The following ATP8B4 variants were observed in gnomAD, a reference collection of about 807,000 sequenced individuals.
ATP8B4 encodes ATPase phospholipid transporting 8B4 (putative).
Under a neutral mutation model 145.6 loss-of-function variants are expected in ATP8B4, and 133 were observed. The ratio of observed to expected loss-of-function variants is 0.91; its 90% CI spans 0.79 to 1.05. The LOEUF (loss-of-function observed/expected upper bound fraction) is 1.05. Among genes scored for constraint, ATP8B4 ranks in the 50% least tolerant of loss-of-function variants. The pLI is 0.00. For synonymous variants in ATP8B4, 507 were observed against 492.9 expected, an observed-to-expected ratio of 1.03 and a Z score of -0.38; for missense variants, 1,458 against 1,425.2, an observed-to-expected ratio of 1.02 and a Z score of -0.37.
chr15:49,975,797 C>A (rs1212807819), intron 12 of ATP8B4, among the ~76,000 whole-genome samples: 1 of 152,088 alleles, frequency 6.6e-6, no homozygotes, highest in South Asian at 2.1e-4. Context: ...TGTCTGTGTT[C>A]TTCCTTTCTA....
intron 9 of ATP8B4, among the ~76,000 whole-genome samples, chr15:49,990,209 A>G (rs780996664): frequency 2.6e-5 from 4 of 152,164 alleles, no homozygotes; most frequent in South Asian, 2.1e-4. Context: ...CTAGCCATGA[A>G]GCATAACAAG....
chr15:50,104,842 C>T (rs560343801), intron 2 of ATP8B4, among the ~76,000 whole-genome samples: 20 of 116,654 alleles, frequency 1.7e-4, no homozygotes, highest in Admixed American at 9.9e-4. Flanking sequence ...CATCAATCAA[C>T]GAGCAAATAA....
chr15:50,111,507 G>A (rs553534743), intron 1 of ATP8B4, among the ~76,000 whole-genome samples: 1 of 152,204 alleles, frequency 6.6e-6, no homozygotes, highest in Non-Finnish European at 1.5e-5. Context: ...AAAGTCTACA[G>A]GACAAATGGC....
intron 2 of ATP8B4, 48 bp downstream of exon 2, chr15:50,106,891 A>G (rs756642090): frequency 1.3e-6 from 2 of 1,545,548 alleles, no homozygotes; most frequent in Non-Finnish European, 1.7e-6. Flanking sequence ...AATTAAAATT[A>G]TATTTTTAAA....
At chr15:50,148,782 T>C (rs1447768202) in intron 1 of ATP8B4, among the ~76,000 whole-genome samples, 1 of 152,196 alleles carries the variant, frequency 6.6e-6, no homozygotes, top group Non-Finnish European at 1.5e-5. Context: ...TATTAGATAA[T>C]AATATTAAAT....
chr15:49,865,433 C>A (rs1018172074), intron 26 of ATP8B4, among the ~76,000 whole-genome samples: 1 of 152,164 alleles, frequency 6.6e-6, no homozygotes, highest in South Asian at 2.1e-4. Flanking sequence ...TAATCAAACC[C>A]AGGGAGGGGG....
intron 10 of ATP8B4, among the ~76,000 whole-genome samples, chr15:49,987,071 C>T (rs28694493): frequency 0.017 from 2,550 of 152,250 alleles, 66 homozygotes; most frequent in African/African-American, 0.059. Flanking sequence ...CAGATTCATA[C>T]ATAAAATGAC....
chr15:50,024,354 T>G (rs1400923296), intron 6 of ATP8B4, among the ~76,000 whole-genome samples: 2 of 152,176 alleles, frequency 1.3e-5, no homozygotes, highest in African/African-American at 4.8e-5. Flanking sequence ...TGAAACTATT[T>G]ACAGTTCATA....
At chr15:49,922,433 C>A in intron 17 of ATP8B4, 1 of 438,766 alleles carries the variant, frequency 2.3e-6, no homozygotes, top group Non-Finnish European at 4.5e-6. Context: ...AAAATCAATT[C>A]TCTATTGGAA....
rs56814126 is a variant in ATP8B4 at position 50,027,379 on chromosome 15, G to GTGGATGGA, written c.362+11381_362+11388dup. Among the ~76,000 whole-genome samples the GTGGATGGA allele has an allele frequency of 1.6e-3, 232 of 149,010 alleles. 1 individual carries two copies. The highest frequency in any genetic ancestry group is 3.8e-3 in the African/African-American group (151 of 39,926). ...TGTTATTTAAATATGGGATGGATGGGTGGATGGATGGATGGATGGATGGAT... is the reference window on the plus strand; with the variant it reads ...TGTTATTTAAATATGGGATGGATGGGTGGATGGATGGATGGATGGATGGATGGATGGAT... On this transcript the variant is annotated intron_variant, in intron 6 of 27. Coordinates refer to ENST00000284509, the MANE Select transcript of ATP8B4 (RefSeq NM_024837.4).
At chr15:49,969,430 T>C (rs1401554968) in intron 13 of ATP8B4, among the ~76,000 whole-genome samples, 1 of 151,980 alleles carries the variant, frequency 6.6e-6, no homozygotes, top group Non-Finnish European at 1.5e-5. Flanking sequence ...CAATAAAAAA[T>C]TATGAAGGGG....
intron 17 of ATP8B4, chr15:49,922,247 G>T (rs1334600463): frequency 5.5e-6 from 1 of 183,288 alleles, no homozygotes. Flanking sequence ...ATTTTGCAGA[G>T]AAATGTAAAA....
intron 2 of ATP8B4, among the ~76,000 whole-genome samples, chr15:50,086,287 C>A: frequency 5.2e-5 from 4 of 77,010 alleles, no homozygotes; most frequent in South Asian, 4.2e-4. Context: ...ATATAGAGAT[C>A]TATATTTATT....
chr15:49,917,247 C>A, intron 19 of ATP8B4: 1 of 510,002 alleles, frequency 2.0e-6, no homozygotes, highest in Non-Finnish European at 3.5e-6. Context: ...CTTGCTAAAC[C>A]CATGCACAAG....
At chr15:49,984,601 G>A (rs1352485085) in intron 10 of ATP8B4, among the ~76,000 whole-genome samples, 1 of 152,136 alleles carries the variant, frequency 6.6e-6, no homozygotes, top group African/African-American at 2.4e-5. Flanking sequence ...TGGCCAGCCT[G>A]AAGTTAGCAC....
chr15:50,076,483 T>G (rs1265483781), intron 2 of ATP8B4, among the ~76,000 whole-genome samples: 3 of 149,014 alleles, frequency 2.0e-5, no homozygotes, highest in African/African-American at 7.6e-5. Flanking sequence ...AGAGCAAGAC[T>G]CCATCTCAAA....
chr15:50,004,542 G>T lies in ATP8B4; in HGVS notation c.436-2319C>A, dbSNP rs143664499. Among the ~76,000 whole-genome samples, 134 of 152,296 alleles carry T rather than the reference G, an allele frequency of 8.8e-4. 2 individuals carry two copies. The East Asian group carries it at 0.025, about 28-fold the overall frequency. ...AGTTGATCCAGAAACTTGTGTTCCA[G>T]GTGTAGGTGTTTATGATTCCAAATA... is the stretch of plus-strand genomic sequence containing the variant. On this transcript the variant is annotated intron_variant, in intron 7 of 27. Transcript: ENST00000284509.
chr15:50,040,449 A>G (rs2051189607), intron 5 of ATP8B4, among the ~76,000 whole-genome samples: 1 of 152,086 alleles, frequency 6.6e-6, no homozygotes, highest in African/African-American at 2.4e-5. Context: ...AAACTCTCCA[A>G]TCCACCCAAT....
At chr15:50,101,828 A>T (rs1339710807) in intron 2 of ATP8B4, among the ~76,000 whole-genome samples, 1 of 152,192 alleles carries the variant, frequency 6.6e-6, no homozygotes, top group Admixed American at 6.5e-5. Context: ...TCCAAGACAG[A>T]CCATATGAAA....
Sources: gnomAD v4.1 joint callset for allele counts (sites outside exome capture counted in the v4.1 genomes callset) on GRCh38, gnomAD v4.1.1 for gene constraint, MANE v1.5 for transcripts, NCBI Gene and HGNC (gene_info 2026-07-23, HGNC 2026-07-21) for gene names.